The following VAV2 variants were observed in gnomAD, a reference collection of about 807,000 sequenced individuals.
VAV2 encodes guanine nucleotide exchange factor VAV2.
Under a neutral mutation model 132.5 loss-of-function variants are expected in VAV2, and 67 were observed. That is an observed-to-expected ratio of 0.51 (90% CI 0.42 to 0.62). VAV2 has a LOEUF of 0.62. Ranked by LOEUF, VAV2 falls within the 20% of genes least tolerant of loss-of-function variation. VAV2 has a pLI of 0.00. For missense variants in VAV2, 938 were observed against 1,153.6 expected, an observed-to-expected ratio of 0.81 and a Z score of 2.71; for synonymous variants, 492 against 443.5, an observed-to-expected ratio of 1.11 and a Z score of -1.37.
rs1054915144 is a variant in VAV2 at position 133,905,200 on chromosome 9, G to A, written c.321+33903C>T. ...TCCCAGCACTTCGGAAGGCCAAGGC[G>A]GGTGGATCACCTGAGGTCAGGAGTT... On this transcript the variant is annotated intron_variant, in intron 2 of 29. Transcript: ENST00000371850. Among the ~76,000 whole-genome samples the A allele has an allele frequency of 2.4e-4, 37 of 152,036 alleles. 1 individual carries two copies. The highest frequency in any genetic ancestry group is 4.8e-4 in the African/African-American group (20 of 41,454).
At chr9:133,972,146 C>T (rs1056031745) in intron 1 of VAV2, among the ~76,000 whole-genome samples, 4 of 152,154 alleles carry the variant, frequency 2.6e-5, no homozygotes, top group Admixed American at 2.6e-4. Context: ...GCCAAGAATT[C>T]GGGCCGCACA....
chr9:133,982,909 T>A (rs1490219913), intron 1 of VAV2, among the ~76,000 whole-genome samples: 1 of 152,212 alleles, frequency 6.6e-6, no homozygotes, highest in Non-Finnish European at 1.5e-5. Context: ...CCAGGGCTGC[T>A]GTCGTGCTGC....
At chr9:133,796,406 G>T in intron 11 of VAV2, 23 bp downstream of exon 11, 1 of 1,605,930 alleles carries the variant, frequency 6.2e-7, no homozygotes, top group Non-Finnish European at 8.5e-7. Flanking sequence ...GACCCCGCAG[G>T]CACCCGGGGC....
chr9:133,776,842 C>T (rs2131583726), intron 23 of VAV2, among the ~76,000 whole-genome samples: 1 of 152,318 alleles, frequency 6.6e-6, no homozygotes, highest in African/African-American at 2.4e-5. Flanking sequence ...GTTCCACGCT[C>T]TCACTCTGAG....
chr9:133,950,586 C>T (rs1588159133), intron 1 of VAV2, among the ~76,000 whole-genome samples: 1 of 152,324 alleles, frequency 6.6e-6, no homozygotes, highest in East Asian at 1.9e-4. Flanking sequence ...ATAAAGCTAG[C>T]AGTAAATTGC....
intron 3 of VAV2, among the ~76,000 whole-genome samples, chr9:133,842,347 G>A (rs936474112): frequency 7.9e-5 from 12 of 152,218 alleles, no homozygotes; most frequent in Non-Finnish European, 1.8e-4. Context: ...CGTGACCCTG[G>A]TGCTCCTCGC....
chr9:133,830,679 A>G (rs1357900858), intron 4 of VAV2, among the ~76,000 whole-genome samples: 1 of 152,166 alleles, frequency 6.6e-6, no homozygotes, highest in African/African-American at 2.4e-5. Flanking sequence ...TTCTGATTAG[A>G]CCATTTCCCC....
At chr9:133,964,381 TAC>T (rs1396646642) in intron 1 of VAV2, among the ~76,000 whole-genome samples, 1 of 151,972 alleles carries the variant, frequency 6.6e-6, no homozygotes, top group East Asian at 1.9e-4. Context: ...TACAAATATA[TAC>T]ACACAAATAT....
intron 1 of VAV2, among the ~76,000 whole-genome samples, chr9:133,985,456 A>C (rs1446883168): frequency 6.6e-6 from 1 of 152,036 alleles, no homozygotes. Flanking sequence ...TAATTTTTGC[A>C]TTTTTAGTAG....
rs1396796347 is a variant in VAV2, at chr9:133,794,606, G to A, written c.1101+1062C>T. Among the ~76,000 whole-genome samples the A allele has an allele frequency of 6.6e-6, 1 of 152,218 alleles. No individual in the cohort carries two copies. Among genetic ancestry groups the A allele is most frequent in the Non-Finnish European group, 1.5e-5 (1 of 68,042 alleles). The stretch of plus-strand genomic sequence containing the variant: ...AAGGAAAAGGGGGCCCAAAGCCCAG[G>A]GGGGCTGCCCAGAGGGCAGGGGCCA... On this transcript the variant is annotated intron_variant, in intron 12 of 29. Coordinates refer to ENST00000371850, the MANE Select transcript of VAV2 (RefSeq NM_001134398.2). The surrounding 1 kb of genome is among the most constrained non-coding windows in gnomAD (Gnocchi z 4.6).
chr9:133,792,584 TGTGTGTGTGAGCAAGCTGTGCTGTGCAGG>T (rs1203405498), intron 12 of VAV2, among the ~76,000 whole-genome samples: 1 of 150,840 alleles, frequency 6.6e-6, no homozygotes, highest in African/African-American at 2.4e-5. Flanking sequence ...ACTGTGTGGT[TGTGTGTGTGAGCAAGCTGTGCTGTGCAGG>T]GTGTGTGTGT....
chr9:133,913,043 C>T (rs1001173394), intron 2 of VAV2, among the ~76,000 whole-genome samples: 3 of 152,202 alleles, frequency 2.0e-5, no homozygotes, highest in African/African-American at 2.4e-5. Flanking sequence ...GTTCGCAGAC[C>T]GTGCAAACCT....
intron 2 of VAV2, among the ~76,000 whole-genome samples, chr9:133,880,149 A>G (rs1250637679): frequency 1.3e-5 from 2 of 152,336 alleles, no homozygotes; most frequent in East Asian, 1.9e-4. Context: ...AAGAGGGGCT[A>G]GGCATCCCTC....
At chr9:133,952,430 C>T (rs920963915) in intron 1 of VAV2, among the ~76,000 whole-genome samples, 1 of 152,048 alleles carries the variant, frequency 6.6e-6, no homozygotes, top group Non-Finnish European at 1.5e-5. Flanking sequence ...GGTGAAACCC[C>T]ATCTCTACTA....
At chr9:133,940,175 A>C (rs1588145896) in intron 1 of VAV2, among the ~76,000 whole-genome samples, 1 of 152,082 alleles carries the variant, frequency 6.6e-6, no homozygotes, top group Admixed American at 6.5e-5. Context: ...TTCTACCGCC[A>C]CCTGCCTCAC....
At chr9:133,873,515 G>T (rs1226442039) in intron 2 of VAV2, among the ~76,000 whole-genome samples, 1 of 152,226 alleles carries the variant, frequency 6.6e-6, no homozygotes, top group African/African-American at 2.4e-5. Flanking sequence ...GCCTGTGAAA[G>T]CAATCAGCAC....
At chr9:133,920,182 A>G (rs1840245442) in intron 2 of VAV2, among the ~76,000 whole-genome samples, 1 of 152,102 alleles carries the variant, frequency 6.6e-6, no homozygotes, top group African/African-American at 2.4e-5. Flanking sequence ...CAGAGCTGAG[A>G]GCCTCCTTCT....
In VAV2 at chr9:133,910,484, G is replaced by A. The variant is rs111317310; in HGVS notation, c.321+28619C>T. Among the ~76,000 whole-genome samples the A allele has an allele frequency of 9.9e-3, 1,510 of 152,130 alleles. 22 individuals are homozygous for A. Among genetic ancestry groups the A allele is most frequent in the African/African-American group, 0.034 (1,420 of 41,494 alleles). ...GACAGATGAGGTGCCAAGGTTCAGT[G>A]AGTCACTTCCCCAGAGTCACACAGC... On this transcript the variant is annotated intron_variant, in intron 2 of 29. Transcript: ENST00000371850.
At position 133,797,823 on chromosome 9, in the gene VAV2, A is replaced by ACACACGCACACACG. The variant is rs1834780802; in HGVS notation, c.837-28_837-15dup. 1 of 1,602,426 alleles carries ACACACGCACACACG rather than the reference A, an allele frequency of 6.2e-7. No individual in the cohort carries two copies. ...TAGATCAGAAGCCTGGACGGTGCAC[A>ACACACGCACACACG]CACACGCACACACGCACACAGATTT... On this transcript the variant is annotated splice_polypyrimidine_tract_variant and intron_variant, in intron 9 of 29. Coordinates refer to ENST00000371850, the MANE Select transcript of VAV2 (RefSeq NM_001134398.2).
Sources: allele counts gnomAD v4.1 joint callset (sites outside exome capture counted in the v4.1 genomes callset), GRCh38; gene constraint gnomAD v4.1.1; non-coding constraint Gnocchi (gnomAD v3.1); transcripts MANE v1.5; gene names NCBI Gene and HGNC (gene_info 2026-07-23, HGNC 2026-07-21).